Variants in SCRG1 observed in about 807,000 individuals in gnomAD.
The protein encoded by SCRG1 is scrapie-responsive protein 1.
A neutral mutation model predicts 7.7 loss-of-function variants in SCRG1; 3 were observed. That is an observed-to-expected ratio of 0.39 (90% CI 0.18 to 1.01). The LOEUF (loss-of-function observed/expected upper bound fraction) is 1.01, where lower values mean the gene tolerates loss of function less well. SCRG1 is among the 50% of genes least tolerant of loss of function. The probability of loss-of-function intolerance (pLI) is 0.36; values close to 1 mark genes in which losing one functional copy is unlikely to be tolerated. For synonymous variants in SCRG1, 46 were observed against 41.2 expected, an observed-to-expected ratio of 1.12 and a Z score of -0.44; for missense variants, 110 against 117.2, an observed-to-expected ratio of 0.94 and a Z score of 0.28.
the SCRG1 span, among the ~76,000 whole-genome samples, chr4:173,442,635 G>C: frequency 6.6e-6 from 1 of 152,176 alleles, no homozygotes; most frequent in Admixed American, 6.5e-5. Context: ...CACAGACTGA[G>C]TAATTTGTAA....
At chr4:173,499,275 C>G in the SCRG1 span, among the ~76,000 whole-genome samples, 3 of 152,290 alleles carry the variant, frequency 2.0e-5, no homozygotes, top group South Asian at 6.2e-4. The surrounding 1 kb of genome is among the most constrained non-coding windows in gnomAD (Gnocchi z 4.1). Context: ...GGAAAGAGGA[C>G]ACCTCCCCAG....
the SCRG1 span, among the ~76,000 whole-genome samples, chr4:173,415,367 T>C: frequency 3.3e-5 from 5 of 152,218 alleles, no homozygotes; most frequent in Non-Finnish European, 5.9e-5. Flanking sequence ...TTCCTTTTTA[T>C]TTCTTGCGGA....
At chr4:173,429,683 C>T in the SCRG1 span, among the ~76,000 whole-genome samples, 1 of 152,128 alleles carries the variant, frequency 6.6e-6, no homozygotes, top group Non-Finnish European at 1.5e-5. Flanking sequence ...TTGAGACAGG[C>T]ACATAATTGC....
the SCRG1 span, among the ~76,000 whole-genome samples, chr4:173,484,727 G>GCATATAATACATATTATATATTATATA: frequency 2.2e-3 from 186 of 84,166 alleles, 3 homozygotes; most frequent in African/African-American, 9.7e-3. Flanking sequence ...TATATTATAT[G>GCATATAATACATATTATATATTATATA]CATATAATAC....
At chr4:173,512,050 C>T in the SCRG1 span, among the ~76,000 whole-genome samples, 1 of 152,204 alleles carries the variant, frequency 6.6e-6, no homozygotes, top group Non-Finnish European at 1.5e-5. Context: ...AATTCAAGTA[C>T]TAATGGTAAA....
At chr4:173,498,344 T>C in the SCRG1 span, among the ~76,000 whole-genome samples, 2,413 of 152,274 alleles carry the variant, frequency 0.016, 60 homozygotes, top group African/African-American at 0.054. Context: ...CTGGTCTGAA[T>C]GAGAAAGCCA....
At chr4:173,433,829 C>T in the SCRG1 span, among the ~76,000 whole-genome samples, 1 of 152,184 alleles carries the variant, frequency 6.6e-6, no homozygotes, top group Non-Finnish European at 1.5e-5. Flanking sequence ...CTACAAGCTC[C>T]TGATGTATCA....
At chr4:173,517,910 G>A in the SCRG1 span, among the ~76,000 whole-genome samples, 1 of 152,244 alleles carries the variant, frequency 6.6e-6, no homozygotes, top group African/African-American at 2.4e-5. Flanking sequence ...GAGCGAGAGC[G>A]AGTGAGGAGC....
At chr4:173,511,349 T>G in the SCRG1 span, among the ~76,000 whole-genome samples, 1 of 152,206 alleles carries the variant, frequency 6.6e-6, no homozygotes, top group Non-Finnish European at 1.5e-5. This position sits in a 1 kb window ranked among gnomAD's most constrained non-coding sequence, Gnocchi z 5.2. Flanking sequence ...GAGATAGGCC[T>G]GCTCAATTAA....
chr4:173,423,199 C>G, the SCRG1 span, among the ~76,000 whole-genome samples: 2 of 152,156 alleles, frequency 1.3e-5, no homozygotes, highest in African/African-American at 4.8e-5. Context: ...TTTTTAATAA[C>G]ACACTTAATG....
chr4:173,497,927 G>A, the SCRG1 span, among the ~76,000 whole-genome samples: 5,796 of 152,062 alleles, frequency 0.038, 374 homozygotes, highest in African/African-American at 0.13. Context: ...TGATCCACCC[G>A]CCTCGGCCTC....
At chr4:173,432,218 T>C in the SCRG1 span, among the ~76,000 whole-genome samples, 1 of 142,414 alleles carries the variant, frequency 7.0e-6, no homozygotes, top group East Asian at 2.4e-4. Context: ...TCTTTCTATC[T>C]ACTTTACAGG....
the SCRG1 span, among the ~76,000 whole-genome samples, chr4:173,473,100 C>T: frequency 3.9e-5 from 6 of 152,154 alleles, no homozygotes; most frequent in South Asian, 6.2e-4. Context: ...AAAGTAGCCC[C>T]CACTTAATGT....
chr4:173,489,364 T>C, the SCRG1 span, among the ~76,000 whole-genome samples: 1 of 152,180 alleles, frequency 6.6e-6, no homozygotes, highest in African/African-American at 2.4e-5. Flanking sequence ...GATCTAAGTT[T>C]CTTTTAATTA....
At chr4:173,448,503 G>A in the SCRG1 span, among the ~76,000 whole-genome samples, 8 of 152,214 alleles carry the variant, frequency 5.3e-5, no homozygotes, top group Non-Finnish European at 1.0e-4. Context: ...AAAGAGAACC[G>A]ACAAGCCTGA....
chr4:173,484,150 A>AATATATAATAT, the SCRG1 span, among the ~76,000 whole-genome samples: 5 of 61,198 alleles, frequency 8.2e-5, no homozygotes, highest in Admixed American at 2.8e-4. Context: ...TAGAATATAG[A>AATATATAATAT]ATATTTTCTA....
At chr4:173,506,064 G>A in the SCRG1 span, among the ~76,000 whole-genome samples, 5 of 152,184 alleles carry the variant, frequency 3.3e-5, no homozygotes, top group African/African-American at 1.2e-4. This position sits in a 1 kb window ranked among gnomAD's most constrained non-coding sequence, Gnocchi z 5.3. Flanking sequence ...TAGATGGTGT[G>A]AGTAGACACT....
At chr4:173,420,277 C>A in the SCRG1 span, 1 of 255,416 alleles carries the variant, frequency 3.9e-6, no homozygotes, top group South Asian at 4.6e-5. Context: ...CACCTATTGC[C>A]TTCTAAAATA....
chr4:173,473,451 G>A, the SCRG1 span, among the ~76,000 whole-genome samples: 3 of 152,332 alleles, frequency 2.0e-5, no homozygotes, highest in Admixed American at 2.0e-4. Context: ...GGCGATGTGA[G>A]AGAAGTTTCT....
Sources: allele counts gnomAD v4.1 joint callset (sites outside exome capture counted in the v4.1 genomes callset), GRCh38; gene constraint gnomAD v4.1.1; non-coding constraint Gnocchi (gnomAD v3.1); transcripts MANE v1.5; gene names NCBI Gene and HGNC (gene_info 2026-07-23, HGNC 2026-07-21).